TBC1D14: variants seen among roughly 807,000 people sequenced by gnomAD.
The protein encoded by TBC1D14 is TBC1 domain family member 14, also known as TBC1 domain family, member 14.
A neutral mutation model predicts 79.0 loss-of-function variants in TBC1D14; 26 were observed. The ratio of observed to expected loss-of-function variants is 0.33; its 90% CI spans 0.24 to 0.46. The LOEUF is 0.46. TBC1D14 is among the 20% of genes least tolerant of loss of function. The pLI is 1.00. For missense variants in TBC1D14, 769 were observed against 887.6 expected (o/e 0.87, Z 1.70); for synonymous variants, 394 against 349.9 (o/e 1.13, Z -1.40).
At chr4:6,919,596 A>G (rs554763872) in intron 1 of TBC1D14, among the ~76,000 whole-genome samples, 1 of 152,038 alleles carries the variant, frequency 6.6e-6, no homozygotes, top group South Asian at 2.1e-4. Flanking sequence ...TCGTATTTCA[A>G]GTTTTTATTT....
intron 3 of TBC1D14, among the ~76,000 whole-genome samples, chr4:6,988,599 AG>A (rs1718127969): frequency 6.6e-6 from 1 of 152,214 alleles, no homozygotes; most frequent in African/African-American, 2.4e-5. Context: ...GCTTTATTCC[AG>A]GCGCGCTCCC....
chr4:6,947,891 G>A (rs1233932477), intron 2 of TBC1D14, among the ~76,000 whole-genome samples: 2 of 152,152 alleles, frequency 1.3e-5, no homozygotes, highest in African/African-American at 4.8e-5. Flanking sequence ...GTTCTATCTG[G>A]CAGGTTTTAT....
At chr4:6,962,654 C>A (rs1212908919) in intron 2 of TBC1D14, among the ~76,000 whole-genome samples, 1 of 152,010 alleles carries the variant, frequency 6.6e-6, no homozygotes, top group African/African-American at 2.4e-5. Context: ...CTACTGGCCA[C>A]CCCCCAGCTC....
intron 3 of TBC1D14, among the ~76,000 whole-genome samples, chr4:6,993,695 T>C (rs1318124001): frequency 6.6e-6 from 1 of 152,220 alleles, no homozygotes; most frequent in East Asian, 1.9e-4. Flanking sequence ...CATAAAGCAA[T>C]GGTCTCAGCT....
At chr4:6,974,890 T>C (rs941386175) in intron 3 of TBC1D14, among the ~76,000 whole-genome samples, 1 of 152,034 alleles carries the variant, frequency 6.6e-6, no homozygotes, top group Non-Finnish European at 1.5e-5. Flanking sequence ...GTGTGTCTGT[T>C]TTGTTTGTTT....
intron 2 of TBC1D14, among the ~76,000 whole-genome samples, chr4:6,952,451 T>C (rs1469855651): frequency 1.3e-5 from 2 of 152,264 alleles, no homozygotes; most frequent in Admixed American, 6.5e-5. Flanking sequence ...TCTGGTCCCC[T>C]GGGCCAGGCA....
chr4:6,942,790 A>G (rs1377193117), intron 2 of TBC1D14, among the ~76,000 whole-genome samples: 1 of 152,112 alleles, frequency 6.6e-6, no homozygotes, highest in East Asian at 1.9e-4. Flanking sequence ...GGGATGAGGA[A>G]CCATATCTCC....
chr4:7,027,975 C>T (rs1391862122), intron 13 of TBC1D14, among the ~76,000 whole-genome samples: 2 of 140,246 alleles, frequency 1.4e-5, no homozygotes, highest in Non-Finnish European at 3.1e-5. Context: ...ATTGCCCACC[C>T]CCCCACACAT....
In TBC1D14 at chr4:7,027,390, A is replaced by T. The variant is rs375908060; in HGVS notation, c.2016+2128A>T. On this transcript the variant is annotated intron_variant, in intron 13 of 13. Coordinates refer to ENST00000409757, the MANE Select transcript of TBC1D14 (RefSeq NM_020773.3). ...TGCACATCCATTCACCCCCCATCTCACACACCCACACAATCACCCCCCACA... is the reference window on the plus strand; with the variant it reads ...TGCACATCCATTCACCCCCCATCTCTCACACCCACACAATCACCCCCCACA... Among the ~76,000 whole-genome samples, 11 of 109,028 alleles carry T rather than the reference A, an allele frequency of 1.0e-4. 2 individuals are homozygous for T. The highest frequency in any genetic ancestry group is 3.5e-4 in the African/African-American group (10 of 28,466). 71.5% of individuals were successfully genotyped at this position (109,028 alleles called of 152,430 possible). A position where few individuals can be genotyped will look rare whatever the true frequency, so the allele number is the denominator to read the frequency against.
chr4:6,993,663 C>T (rs112665623), intron 3 of TBC1D14, among the ~76,000 whole-genome samples: 87 of 152,274 alleles, frequency 5.7e-4, no homozygotes, highest in Admixed American at 1.6e-3. Context: ...TCCCCACCAA[C>T]GAGGGAAGCG....
intron 3 of TBC1D14, among the ~76,000 whole-genome samples, chr4:6,986,213 C>T (rs915077416): frequency 6.6e-6 from 1 of 152,196 alleles, no homozygotes; most frequent in Non-Finnish European, 1.5e-5. Flanking sequence ...GCCCATGTCT[C>T]AGCAGTTTCT....
At chr4:6,954,317 C>G (rs771186855) in intron 2 of TBC1D14, 1 of 717,538 alleles carries the variant, frequency 1.4e-6, no homozygotes, top group South Asian at 1.5e-5. Context: ...GCCATCTCCC[C>G]TGCGCTCCTG....
At chr4:6,954,412 G>A (rs1714429172) in intron 2 of TBC1D14, 4 of 717,158 alleles carry the variant, frequency 5.6e-6, no homozygotes, top group East Asian at 2.7e-5. Flanking sequence ...TTTCCTGCGT[G>A]TAGCTTTGAC....
intron 2 of TBC1D14, among the ~76,000 whole-genome samples, chr4:6,925,860 C>A (rs909539823): frequency 6.6e-6 from 1 of 152,126 alleles, no homozygotes; most frequent in Non-Finnish European, 1.5e-5. Context: ...GGTACCCGTT[C>A]CACGCGGACC....
intron 2 of TBC1D14, among the ~76,000 whole-genome samples, chr4:6,936,679 T>C (rs545950238): frequency 6.6e-6 from 1 of 152,348 alleles, no homozygotes; most frequent in African/African-American, 2.4e-5. Context: ...TGGTAAAGTA[T>C]GTTTAGTTTT....
At chr4:6,987,434 C>T in intron 3 of TBC1D14, 3 of 1,233,236 alleles carry the variant, frequency 2.4e-6, no homozygotes, top group Non-Finnish European at 3.1e-6. Flanking sequence ...GGCCTGCCAG[C>T]CCTGCGGCCC....
At chr4:6,975,206 G>A (rs534778317) in intron 3 of TBC1D14, among the ~76,000 whole-genome samples, 64 of 149,836 alleles carry the variant, frequency 4.3e-4, no homozygotes, top group Non-Finnish European at 8.4e-4. Flanking sequence ...GAGCCGCCGC[G>A]CCCGGCCTGT....
chr4:7,006,675 T>A lies in TBC1D14; in HGVS notation c.1395T>A (p.Leu465=). Residue 465 remains leucine (L), a synonymous_variant, in exon 9 of 14, where the codon CTT becomes CTA. Transcript: ENST00000409757. ...CAGACAGAGAAGCCAGTCTGGAGCTTATTAAACTGGACATTTCTAGAACAT... is the reference window on the plus strand; with the variant it reads ...CAGACAGAGAAGCCAGTCTGGAGCTAATTAAACTGGACATTTCTAGAACAT... The part of the protein sequence containing the change: ...SAADREASLE[L]IKLDISRTFP... 6.2e-7 allele frequency: 1 copy of A among 1,614,100 alleles called. No homozygotes were observed. Among genetic ancestry groups the A allele is most frequent in the Non-Finnish European group, 8.5e-7 (1 of 1,180,012 alleles).
rs2109250631 is a variant in TBC1D14 at position 7,010,721 on chromosome 4, C to T, written c.1587C>T (p.Ala529=). ...TAGATACTGCAGATGCCTTTATTGC[C>T]TTTTCTAACCTTCTGAATAAACCCT... ...LNLDTADAFI[A]FSNLLNKPCQ... Residue 529 remains alanine (A), a synonymous_variant, in exon 11 of 14, where the codon GCC becomes GCT. Coordinates refer to ENST00000409757, the MANE Select transcript of TBC1D14 (RefSeq NM_020773.3). The T allele has an allele frequency of 6.2e-7, 1 of 1,614,068 alleles. No individual in the cohort carries two copies. Among genetic ancestry groups the T allele is most frequent in the Non-Finnish European group, 8.5e-7 (1 of 1,179,976 alleles).
Sources: allele counts gnomAD v4.1 joint callset (sites outside exome capture counted in the v4.1 genomes callset), GRCh38; gene constraint gnomAD v4.1.1; transcripts MANE v1.5; gene names NCBI Gene and HGNC (gene_info 2026-07-23, HGNC 2026-07-21).